The following KLHL18 variants were observed in gnomAD, a reference collection of about 807,000 sequenced individuals.
KLHL18 encodes kelch like family member 18.
A neutral mutation model predicts 58.5 loss-of-function variants in KLHL18; 38 were observed. That is an observed-to-expected ratio of 0.65 (90% confidence interval 0.50 to 0.85). The LOEUF (loss-of-function observed/expected upper bound fraction) is 0.85, where lower values mean the gene tolerates loss of function less well. KLHL18 is among the 40% of genes least tolerant of loss of function. The pLI, the probability that KLHL18 is intolerant of heterozygous loss-of-function variation, is 0.00. For synonymous variants in KLHL18, 303 were observed against 301.9 expected (o/e 1.00, Z -0.04); for missense variants, 624 against 778.4 (o/e 0.80, Z 2.36).
At position 47,343,640 on chromosome 3, in the gene KLHL18, TG is replaced by T. The variant is rs1559506986; in HGVS notation, c.1428del (p.Ser477AlafsTer30). On this transcript the variant is annotated frameshift_variant, in exon 10 of 10. Transcript: ENST00000232766. LOFTEE classifies it high-confidence loss of function. ...NKRCRHGAAS[L>X]GSKMFVCGGY... is the part of the protein sequence containing the mutation. ...CGCTGCCGGCACGGAGCCGCCTCCC[TG>T]GGGAGCAAGATGTTTGTCTGCGGGG... 6.2e-7 allele frequency: 1 copy of T among 1,614,142 alleles called. No individual in the cohort carries two copies. Among genetic ancestry groups the T allele is most frequent in the South Asian group, 1.1e-5 (1 of 91,084 alleles).
At chr3:47,284,710 G>A (rs922279895) in intron 1 of KLHL18, among the ~76,000 whole-genome samples, 4 of 152,188 alleles carry the variant, frequency 2.6e-5, no homozygotes, top group Non-Finnish European at 5.9e-5. Context: ...TCTGGAGATG[G>A]TAGAGTAGGA....
intron 1 of KLHL18, among the ~76,000 whole-genome samples, chr3:47,305,437 A>G (rs1457915314): frequency 6.8e-6 from 1 of 147,200 alleles, no homozygotes; most frequent in Non-Finnish European, 1.5e-5. Context: ...TCAAATATTA[A>G]GTCTGCCTTA....
Position 47,282,962 on chromosome 3 carries a change from G to A in KLHL18, c.-4G>A, listed in dbSNP as rs1015628473. 2 of 1,609,406 alleles carry A rather than the reference G, an allele frequency of 1.2e-6. No individual in the cohort carries two copies. The highest frequency in any genetic ancestry group is 1.7e-5 in the Admixed American group (1 of 59,358). On this transcript the variant is annotated 5_prime_UTR_variant, in exon 1 of 10. Transcript: ENST00000232766. ...GGCCTGCGCAGTTGCAGCGGCCGGG[G>A]AAGATGGTGGAGGACGGCGCGGAGG...
At chr3:47,336,114 A>G (rs1703978316) in intron 6 of KLHL18, among the ~76,000 whole-genome samples, 1 of 152,148 alleles carries the variant, frequency 6.6e-6, no homozygotes, top group Non-Finnish European at 1.5e-5. Context: ...ATCCATAAAG[A>G]TTATCTCCAT....
chr3:47,306,980 A>C (rs1703160906), intron 1 of KLHL18, among the ~76,000 whole-genome samples: 1 of 151,784 alleles, frequency 6.6e-6, no homozygotes, highest in Non-Finnish European at 1.5e-5. Flanking sequence ...TTTTTTTCTC[A>C]AATTATGATT....
chr3:47,329,886 C>G (rs891319705), intron 3 of KLHL18, 65 bp from the exon 4 acceptor site: 1 of 1,425,860 alleles, frequency 7.0e-7, no homozygotes, highest in African/African-American at 1.4e-5. Context: ...CAGAACCAGC[C>G]TGAGAATGAT....
At chr3:47,303,314 G>T (rs568783469) in intron 1 of KLHL18, among the ~76,000 whole-genome samples, 1 of 152,148 alleles carries the variant, frequency 6.6e-6, no homozygotes, top group Non-Finnish European at 1.5e-5. Context: ...TAAAGGTCCT[G>T]TGACACCCTG....
At chr3:47,283,949 A>C (rs1200343235) in intron 1 of KLHL18, among the ~76,000 whole-genome samples, 1 of 152,192 alleles carries the variant, frequency 6.6e-6, no homozygotes, top group Non-Finnish European at 1.5e-5. Context: ...CTGTTTAAAA[A>C]ACAAACAGGG....
intron 1 of KLHL18, among the ~76,000 whole-genome samples, chr3:47,291,242 T>C (rs1391369103): frequency 6.6e-6 from 1 of 152,238 alleles, no homozygotes; most frequent in Non-Finnish European, 1.5e-5. Context: ...TTCCTAGCCC[T>C]TCCCAAATTA....
At chr3:47,329,195 C>A (rs900588792) in intron 3 of KLHL18, among the ~76,000 whole-genome samples, 3 of 112,850 alleles carry the variant, frequency 2.7e-5, no homozygotes, top group Non-Finnish European at 6.7e-5. Context: ...GCCATCTGTC[C>A]GTGTTGTGTT....
In KLHL18 at chr3:47,330,121, A is replaced by G. The variant is rs1238367358; in HGVS notation, c.572A>G (p.Asp191Gly). The change falls in exon 4 of 10, where the codon GAT (aspartate) becomes GGT (glycine). Residue 191 changes from aspartate to glycine, a missense_variant. By Grantham distance (94) the Asp-to-Gly change is moderately conservative. Coordinates refer to ENST00000232766, the MANE Select transcript of KLHL18 (RefSeq NM_025010.5). Reference protein sequence around the residue: ...LEDVLELVSRDELNVKSEEQV... With the variant: ...LEDVLELVSRGELNVKSEEQV... ...GACGTGCTTGAGCTGGTGTCTCGGG[A>G]TGAGCTGAATGTCAAATCTGAGGAG... is the stretch of plus-strand genomic sequence containing the variant. The G allele has an allele frequency of 6.2e-7, 1 of 1,614,072 alleles. No individual in the cohort carries two copies. The highest frequency in any genetic ancestry group is 1.1e-5 in the South Asian group (1 of 91,072).
intron 1 of KLHL18, among the ~76,000 whole-genome samples, chr3:47,293,618 GC>G (rs1436787782): frequency 6.6e-6 from 1 of 152,200 alleles, no homozygotes; most frequent in Non-Finnish European, 1.5e-5. Flanking sequence ...TGGTTTGTAA[GC>G]TGTAAATGTC....
chr3:47,329,466 A>G (rs1703803831), intron 3 of KLHL18, among the ~76,000 whole-genome samples: 1 of 152,162 alleles, frequency 6.6e-6, no homozygotes, highest in Admixed American at 6.5e-5. Context: ...TGACCTCGTG[A>G]TCTGCCTGCC....
chr3:47,331,487 C>T (rs1300395013), intron 4 of KLHL18, among the ~76,000 whole-genome samples: 4 of 128,168 alleles, frequency 3.1e-5, no homozygotes, highest in Non-Finnish European at 4.7e-5. Context: ...GGCTGGAGTG[C>T]GATGGCACAA....
intron 1 of KLHL18, among the ~76,000 whole-genome samples, chr3:47,286,098 G>C (rs909359054): frequency 1.3e-5 from 2 of 151,674 alleles, no homozygotes; most frequent in African/African-American, 4.8e-5. Context: ...CCGAATTGCT[G>C]TGTTAGCTTC....
In KLHL18 at chr3:47,334,013, T is replaced by C. The variant is rs1326248189; in HGVS notation, c.762-670T>C. 6.6e-6 allele frequency among the ~76,000 whole-genome samples: 1 copy of C among 152,238 alleles called. No individual in the cohort carries two copies. Among genetic ancestry groups the C allele is most frequent in the Non-Finnish European group, 1.5e-5 (1 of 68,042 alleles). On this transcript the variant is annotated intron_variant, in intron 5 of 9. Coordinates refer to ENST00000232766, the MANE Select transcript of KLHL18 (RefSeq NM_025010.5). The surrounding 1 kb of genome is among the most constrained non-coding windows in gnomAD (Gnocchi z 4.7). ...AAAACTTTACACACATTCAGCTTTC[T>C]TTCATTTTCCAACTCCTGGTTGGGA...
At chr3:47,283,350 C>T (rs373154758) in intron 1 of KLHL18, 1 of 498,918 alleles carries the variant, frequency 2.0e-6, no homozygotes, top group Non-Finnish European at 3.6e-6. Flanking sequence ...GTGGGAGACA[C>T]GGGTGACAGC....
chr3:47,328,255 A>T (rs1488734128), intron 3 of KLHL18, among the ~76,000 whole-genome samples: 1 of 149,730 alleles, frequency 6.7e-6, no homozygotes, highest in Non-Finnish European at 1.5e-5. Flanking sequence ...GGTTTCAGCT[A>T]CTTGGCAGGT....
intron 3 of KLHL18, among the ~76,000 whole-genome samples, chr3:47,324,293 TC>T (rs1703657793): frequency 2.2e-5 from 3 of 133,580 alleles, no homozygotes; most frequent in African/African-American, 5.5e-5. Context: ...TCTTTTTCTT[TC>T]TTTCTTTTTT....
Sources: allele counts gnomAD v4.1 joint callset (sites outside exome capture counted in the v4.1 genomes callset), GRCh38; gene constraint gnomAD v4.1.1; non-coding constraint Gnocchi (gnomAD v3.1); transcripts MANE v1.5; gene names NCBI Gene and HGNC (gene_info 2026-07-23, HGNC 2026-07-21).